The following CLCN1 variants were observed in gnomAD, a reference collection of about 807,000 sequenced individuals.
CLCN1 encodes chloride channel protein 1.
Under a neutral mutation model 114.5 loss-of-function variants are expected in CLCN1, and 100 were observed. The ratio of observed to expected loss-of-function variants is 0.87; its 90% CI spans 0.74 to 1.03. The LOEUF is 1.03. CLCN1 is among the 50% of genes least tolerant of loss of function. CLCN1 has a pLI of 0.00. For synonymous variants in CLCN1, 485 were observed against 487.1 expected, an observed-to-expected ratio of 1.00 and a Z score of 0.06; for missense variants, 1,188 against 1,250.0, an observed-to-expected ratio of 0.95 and a Z score of 0.75.
chr7:143,320,606 T>C, intron 2 of CLCN1, 58 bp from the exon 3 acceptor site: 1 of 1,388,740 alleles, frequency 7.2e-7, no homozygotes. Context: ...TATATATATT[T>C]TTGTTTGTTT....
intron 12 of CLCN1, among the ~76,000 whole-genome samples, chr7:143,335,656 G>GT (rs199928109): frequency 0.09 from 9,628 of 106,418 alleles, 1,014 homozygotes; most frequent in African/African-American, 0.26. Context: ...CAATTCAGCT[G>GT]TTTTGTTTTT....
At chr7:143,326,158 A>G (rs1367917119) in intron 7 of CLCN1, among the ~76,000 whole-genome samples, 1 of 152,052 alleles carries the variant, frequency 6.6e-6, no homozygotes, top group African/African-American at 2.4e-5. Flanking sequence ...CTGGGATTAC[A>G]GGCCTGCGCC....
In CLCN1 at chr7:143,350,521, A is replaced by G. The variant is rs1264952807; in HGVS notation, c.2508+45A>G. The G allele has an allele frequency of 6.2e-7, 1 of 1,609,744 alleles. No individual in the cohort carries two copies. Among genetic ancestry groups the G allele is most frequent in the Admixed American group, 1.7e-5 (1 of 60,004 alleles). On this transcript the variant is annotated intron_variant, in intron 21 of 22. Coordinates refer to ENST00000343257, the MANE Select transcript of CLCN1 (RefSeq NM_000083.3). This position sits in a 1 kb window ranked among gnomAD's most constrained non-coding sequence, Gnocchi z 5.1. ...CTCAGGGCTGTGGGGAAGGCAGGAGAGCTGTGGGGCAAGGAACATGCACTG... is the reference window on the plus strand; with the variant it reads ...CTCAGGGCTGTGGGGAAGGCAGGAGGGCTGTGGGGCAAGGAACATGCACTG...
chr7:143,346,099 G>GTC (rs949697459), intron 17 of CLCN1, 41 bp from the exon 18 acceptor site: 7 of 1,322,754 alleles, frequency 5.3e-6, no homozygotes, highest in Non-Finnish European at 2.2e-6. Flanking sequence ...GGCCCAGGCA[G>GTC]TCTCTGCTCC....
intron 12 of CLCN1, among the ~76,000 whole-genome samples, chr7:143,335,701 C>T (rs899561748): frequency 2.1e-5 from 3 of 144,576 alleles, no homozygotes; most frequent in Non-Finnish European, 4.5e-5. Flanking sequence ...ACTCTGTAGC[C>T]CAGGCTGGAG....
chr7:143,326,646 G>C (rs1331577881), intron 7 of CLCN1, among the ~76,000 whole-genome samples: 1 of 152,142 alleles, frequency 6.6e-6, no homozygotes, highest in Non-Finnish European at 1.5e-5. Flanking sequence ...ATAATAAGTA[G>C]GACTGGCAAG....
chr7:143,324,042 C>G lies in CLCN1; in HGVS notation c.775-372C>G. On this transcript the variant is annotated intron_variant, in intron 6 of 22. Transcript: ENST00000343257. The surrounding 1 kb of genome is among the most constrained non-coding windows in gnomAD (Gnocchi z 4.6). ...GGTCCAGATACCTATATTTTTTCAG[C>G]AAAGGGCTGTGTATTATTTTGAGAC... 2.6e-6 allele frequency: 1 copy of G among 391,068 alleles called. No individual in the cohort carries two copies. The highest frequency in any genetic ancestry group is 2.0e-5 in the South Asian group (1 of 49,022). The allele number at this position is 391,068 out of a possible 1,614,324, so 24.2% of individuals were successfully genotyped here. A position where few individuals can be genotyped will look rare whatever the true frequency, so the allele number is the denominator to read the frequency against.
rs1802447739 is a variant in CLCN1, at chr7:143,321,847, AGGTAGGCCT to A, written c.696+2_696+10del. On this transcript the variant is annotated splice_donor_variant and splice_donor_5th_base_variant and coding_sequence_variant and intron_variant, in exon 5 of 23. Coordinates refer to ENST00000343257, the MANE Select transcript of CLCN1 (RefSeq NM_000083.3). LOFTEE classifies it high-confidence loss of function. This position sits in a 1 kb window ranked among gnomAD's most constrained non-coding sequence, Gnocchi z 4.2. ...GGCAGTGGCATCCCCGTGGGGAAAGAGGTAGGCCTGGCATGACTGAAGCCAGAGCTGGGA... is the reference window on the plus strand; with the variant it reads ...GGCAGTGGCATCCCCGTGGGGAAAGAGGCATGACTGAAGCCAGAGCTGGGA... 2 of 1,614,056 alleles carry A rather than the reference AGGTAGGCCT, an allele frequency of 1.2e-6. No homozygotes were observed. The highest frequency in any genetic ancestry group is 1.7e-6 in the Non-Finnish European group (2 of 1,179,960).
chr7:143,327,978 G>A (rs1187726975), intron 7 of CLCN1, among the ~76,000 whole-genome samples: 1 of 152,204 alleles, frequency 6.6e-6, no homozygotes, highest in Non-Finnish European at 1.5e-5. Context: ...TTTGTGTGGG[G>A]TAAAAGAGAG....
chr7:143,346,495 A>G, intron 18 of CLCN1, 84 bp from the exon 19 acceptor site: 1 of 1,001,406 alleles, frequency 1.0e-6, no homozygotes, highest in Non-Finnish European at 1.6e-6. Flanking sequence ...AGCTCTTTGG[A>G]GGCAAATGTT....
Position 143,345,459 on chromosome 7 carries a change from G to A in CLCN1, c.1931-62G>A, listed in dbSNP as rs10952548. ...CTCTCCTGTTCCTTCTCAGGAGTGC[G>A]GAGCGCGGTGGTGCGAGAGGGCTTG... is the stretch of plus-strand genomic sequence containing the variant. On this transcript the variant is annotated intron_variant, in intron 16 of 22. Transcript: ENST00000343257. 311,680 of 1,470,516 alleles carry A rather than the reference G, an allele frequency of 0.21. 33,448 individuals carry two copies. The highest frequency in any genetic ancestry group is 0.24 in the East Asian group (9,413 of 39,794). 91.1% of individuals were successfully genotyped at this position (1,470,516 alleles called of 1,614,324 possible).
At chr7:143,341,311 C>T (rs1586509617) in intron 14 of CLCN1, among the ~76,000 whole-genome samples, 2 of 152,154 alleles carry the variant, frequency 1.3e-5, no homozygotes, top group Middle Eastern at 6.8e-3. Context: ...GTGATCTCAG[C>T]ACTTTGGGAG....
At chr7:143,335,605 T>C (rs780316711) in intron 12 of CLCN1, among the ~76,000 whole-genome samples, 9 of 151,910 alleles carry the variant, frequency 5.9e-5, no homozygotes, top group Non-Finnish European at 1.0e-4. Context: ...ATGTAGTCTA[T>C]GTGGTCTTCT....
In CLCN1 at chr7:143,332,724, T is replaced by C. The variant is rs751309154; in HGVS notation, c.1252T>C (p.Leu418=). ...PGMGQFMAGE[L]MPREAISTLF... ...CCCTTTCTGCTTCTTCCTCTCCCAGTTGATGCCCCGCGAAGCCATCAGTAC... is the reference window on the plus strand; with the variant it reads ...CCCTTTCTGCTTCTTCCTCTCCCAGCTGATGCCCCGCGAAGCCATCAGTAC... The change falls in exon 12 of 23, where the codon TTG becomes CTG. Residue 418 remains leucine, a splice_region_variant and synonymous_variant. Coordinates refer to ENST00000343257, the MANE Select transcript of CLCN1 (RefSeq NM_000083.3). The C allele has an allele frequency of 8.7e-6, 14 of 1,613,926 alleles. No individual in the cohort carries two copies. Among genetic ancestry groups the C allele is most frequent in the Non-Finnish European group, 1.7e-6 (2 of 1,180,034 alleles).
At chr7:143,334,832 G>T (rs1802829069) in intron 12 of CLCN1, among the ~76,000 whole-genome samples, 1 of 152,146 alleles carries the variant, frequency 6.6e-6, no homozygotes, top group Admixed American at 6.5e-5. Context: ...TTCTTCAAAA[G>T]ATTTTACATT....
intron 14 of CLCN1, among the ~76,000 whole-genome samples, chr7:143,340,455 A>G (rs1336147955): frequency 1.3e-5 from 2 of 151,738 alleles, no homozygotes; most frequent in Non-Finnish European, 2.9e-5. Flanking sequence ...TCCTCCCTAT[A>G]TTTCCCTTCT....
At position 143,321,998 on chromosome 7, in the gene CLCN1, G is replaced by T. The variant is rs1046200989; in HGVS notation, c.696+150G>T. 1.1e-6 allele frequency: 1 copy of T among 927,830 alleles called. No homozygotes were observed. The highest frequency in any genetic ancestry group is 1.7e-5 in the African/African-American group (1 of 60,036). The allele number at this position is 927,830 out of a possible 1,614,324, so 57.5% of individuals were successfully genotyped here. On this transcript the variant is annotated intron_variant, in intron 5 of 22. Coordinates refer to ENST00000343257, the MANE Select transcript of CLCN1 (RefSeq NM_000083.3). The surrounding 1 kb of genome is among the most constrained non-coding windows in gnomAD (Gnocchi z 4.2). ...GACACTAGGAAGGGGAAATGCTTTG[G>T]AAGTTCCTCCAACTGAGGTCCAATG...
chr7:143,346,104 T>A, intron 17 of CLCN1, 36 bp from the exon 18 acceptor site: 1 of 1,364,040 alleles, frequency 7.3e-7, no homozygotes, highest in South Asian at 1.2e-5. Context: ...AGGCAGTCTC[T>A]GCTCCCAGGC....
rs1563086884 is a variant in CLCN1 at position 143,345,570 on chromosome 7, C to G, written c.1980C>G (p.Leu660=). ...GSVERSELQA[L]LQRHLCPERR... is the part of the protein sequence containing the mutation. ...TGGAGCGGTCGGAACTGCAGGCCCTCCTGCAGCGCCACCTGTGTCCTGAGC... is the reference window on the plus strand; with the variant it reads ...TGGAGCGGTCGGAACTGCAGGCCCTGCTGCAGCGCCACCTGTGTCCTGAGC... The change falls in exon 17 of 23, where the codon CTC becomes CTG. Residue 660 remains leucine (L), a synonymous_variant. Transcript: ENST00000343257. 6.5e-7 allele frequency: 1 copy of G among 1,547,292 alleles called. No homozygotes were observed. The highest frequency in any genetic ancestry group is 8.7e-7 in the Non-Finnish European group (1 of 1,144,540).
Sources: gnomAD v4.1 joint callset for allele counts (sites outside exome capture counted in the v4.1 genomes callset) on GRCh38, gnomAD v4.1.1 for gene constraint, Gnocchi (gnomAD v3.1) non-coding constraint, MANE v1.5 for transcripts, NCBI Gene and HGNC (gene_info 2026-07-23, HGNC 2026-07-21) for gene names.